Variants in EYS observed in about 807,000 individuals in gnomAD.
The protein encoded by EYS is EGF-like photoreceptor maintenance factor.
Under a neutral mutation model 282.1 loss-of-function variants are expected in EYS, and 250 were observed. That is an observed-to-expected ratio of 0.89 (90% confidence interval 0.80 to 0.98). EYS has a LOEUF of 0.98. EYS is among the 50% of genes least tolerant of loss of function. The pLI is 0.00. For missense variants in EYS, 4,016 were observed against 3,709.0 expected, an observed-to-expected ratio of 1.08 and a Z score of -2.15; for synonymous variants, 1,355 against 1,282.9, an observed-to-expected ratio of 1.06 and a Z score of -1.20.
chr6:64,845,653 A>G (rs1041133358), intron 19 of EYS, among the ~76,000 whole-genome samples: 4 of 152,072 alleles, frequency 2.6e-5, no homozygotes, highest in African/African-American at 9.7e-5. Context: ...ACGAAAATTC[A>G]TTTGAAGTCA....
chr6:64,214,869 A>G (rs931256921), intron 31 of EYS, among the ~76,000 whole-genome samples: 2 of 152,056 alleles, frequency 1.3e-5, no homozygotes, highest in Non-Finnish European at 2.9e-5. Context: ...TGCATATAAT[A>G]TGTGTGTAAT....
chr6:64,261,913 G>A (rs1282317437), intron 30 of EYS, among the ~76,000 whole-genome samples: 1 of 151,412 alleles, frequency 6.6e-6, no homozygotes, highest in African/African-American at 2.4e-5. Flanking sequence ...TGCACCACAC[G>A]CATGGCTAAT....
intron 33 of EYS, among the ~76,000 whole-genome samples, chr6:64,038,842 T>C (rs1045932120): frequency 1.3e-5 from 2 of 152,040 alleles, no homozygotes; most frequent in Admixed American, 6.5e-5. Context: ...TCTCGCTCTG[T>C]AGCCCGGGCT....
Position 64,306,984 on chromosome 6 carries a change from G to C in EYS, c.6177C>G (p.His2059Gln). The C allele has an allele frequency of 6.7e-7, 1 of 1,495,290 alleles. No homozygotes were observed. The highest frequency in any genetic ancestry group is 9.1e-7 in the Non-Finnish European group (1 of 1,098,006). The allele number at this position is 1,495,290 out of a possible 1,614,324, so 92.6% of individuals were successfully genotyped here. ...TGCTATTTTACCTGCAATTGTTAAT[G>C]TGATAGTTTTTCACTGCCTTGGATG... ...FIPSKAVKNY[H>Q]INNCRSQGFM... Residue 2059 changes from histidine (H) to glutamine (Q), a missense_variant, in exon 30 of 43, where the codon CAC becomes CAG. Physicochemically the swap from His to Gln is conservative, Grantham distance 24. Transcript: ENST00000503581.
intron 35 of EYS, among the ~76,000 whole-genome samples, chr6:63,884,456 G>C (rs1773212986): frequency 6.6e-6 from 1 of 152,034 alleles, no homozygotes; most frequent in African/African-American, 2.4e-5. Flanking sequence ...AGCCTCCTGG[G>C]GTGCTGAAAA....
chr6:65,558,516 C>G (rs138838893), intron 2 of EYS, among the ~76,000 whole-genome samples: 1 of 152,116 alleles, frequency 6.6e-6, no homozygotes, highest in East Asian at 1.9e-4. Context: ...GGGTGGCTGC[C>G]GCTGCACCTG....
At chr6:64,593,423 A>G in intron 24 of EYS, 114 bp from the exon 25 acceptor site, 1 of 653,078 alleles carries the variant, frequency 1.5e-6, no homozygotes, top group Non-Finnish European at 2.4e-6. Context: ...TGGATAGCTC[A>G]AATAAAATAT....
intron 19 of EYS, among the ~76,000 whole-genome samples, chr6:64,851,917 C>T (rs1259544559): frequency 6.6e-6 from 1 of 151,934 alleles, no homozygotes; most frequent in Non-Finnish European, 1.5e-5. Context: ...ACAAGAAACC[C>T]CCATGAATAA....
chr6:65,129,431 T>C (rs978854537), intron 12 of EYS, among the ~76,000 whole-genome samples: 2 of 151,538 alleles, frequency 1.3e-5, no homozygotes, highest in Non-Finnish European at 3.0e-5. Flanking sequence ...TTAATGAAGG[T>C]CCAGAATCTA....
chr6:65,615,049 A>C (rs1230869534), intron 2 of EYS, among the ~76,000 whole-genome samples: 1 of 152,212 alleles, frequency 6.6e-6, no homozygotes, highest in Admixed American at 6.5e-5. Flanking sequence ...TCTAGAACAT[A>C]CCAAAAGGCG....
intron 2 of EYS, among the ~76,000 whole-genome samples, chr6:65,518,272 T>C (rs943891770): frequency 6.6e-6 from 1 of 152,136 alleles, no homozygotes; most frequent in African/African-American, 2.4e-5. Context: ...TAACATATTA[T>C]GAAAAATCTG....
chr6:65,246,761 A>ATC (rs1246012231), intron 12 of EYS, among the ~76,000 whole-genome samples: 2 of 152,142 alleles, frequency 1.3e-5, no homozygotes, highest in African/African-American at 2.4e-5. Context: ...TACGTTCTTC[A>ATC]ATCAAAAACT....
chr6:64,310,382 T>G (rs1294236948), intron 29 of EYS, among the ~76,000 whole-genome samples: 3 of 152,026 alleles, frequency 2.0e-5, no homozygotes, highest in Non-Finnish European at 4.4e-5. Flanking sequence ...ATAGACACAA[T>G]GGAATACTAC....
At chr6:64,006,275 T>C (rs1192390617) in intron 33 of EYS, among the ~76,000 whole-genome samples, 1 of 152,158 alleles carries the variant, frequency 6.6e-6, no homozygotes, top group South Asian at 2.1e-4. Context: ...GCTTGGATGT[T>C]TTTGGTGTAT....
At chr6:65,628,411 G>A (rs1219462778) in intron 2 of EYS, among the ~76,000 whole-genome samples, 1 of 152,182 alleles carries the variant, frequency 6.6e-6, no homozygotes, top group Non-Finnish European at 1.5e-5. Context: ...TGTGGGTGGG[G>A]CCAGATAAGA....
intron 8 of EYS, among the ~76,000 whole-genome samples, chr6:65,364,647 C>T (rs968348596): frequency 1.3e-5 from 2 of 151,406 alleles, no homozygotes; most frequent in Non-Finnish European, 2.9e-5. Flanking sequence ...GGCATTTTAA[C>T]GAGATAGTTC....
intron 12 of EYS, among the ~76,000 whole-genome samples, chr6:65,197,911 G>A (rs915506659): frequency 8.6e-5 from 13 of 152,020 alleles, no homozygotes; most frequent in African/African-American, 2.7e-4. Flanking sequence ...CTACATTTAG[G>A]CTACATTAAT....
chr6:64,328,728 C>T (rs769971499), intron 29 of EYS, among the ~76,000 whole-genome samples: 13 of 152,250 alleles, frequency 8.5e-5, no homozygotes, highest in Non-Finnish European at 1.9e-4. Flanking sequence ...AGAAGCCAGA[C>T]ACAGAGCTAA....
At chr6:64,517,741 A>T (rs776067224) in intron 26 of EYS, among the ~76,000 whole-genome samples, 2 of 151,878 alleles carry the variant, frequency 1.3e-5, no homozygotes, top group Non-Finnish European at 2.9e-5. Context: ...AAATAAAAAA[A>T]TTACTTTTAC....
Sources: allele counts gnomAD v4.1 joint callset (sites outside exome capture counted in the v4.1 genomes callset), GRCh38; gene constraint gnomAD v4.1.1; transcripts MANE v1.5; gene names NCBI Gene and HGNC (gene_info 2026-07-23, HGNC 2026-07-21).